The following MGAT4A variants were observed in gnomAD, a reference collection of about 807,000 sequenced individuals.
MGAT4A encodes the protein alpha-1,3-mannosyl-glycoprotein 4-beta-N-acetylglucosaminyltransferase A.
Under a neutral mutation model 74.1 loss-of-function variants are expected in MGAT4A, and 33 were observed. The ratio of observed to expected loss-of-function variants is 0.45; its 90% CI spans 0.34 to 0.60. The LOEUF is 0.60. Ranked by LOEUF, MGAT4A falls within the 20% of genes least tolerant of loss-of-function variation. The probability of loss-of-function intolerance (pLI) is 0.02; values close to 1 mark genes in which losing one functional copy is unlikely to be tolerated. For missense variants in MGAT4A, 479 were observed against 628.3 expected (o/e 0.76, Z 2.54); for synonymous variants, 198 against 210.4 (o/e 0.94, Z 0.51).
chr2:98,677,797 A>G (rs1701995916), intron 3 of MGAT4A, among the ~76,000 whole-genome samples: 1 of 144,316 alleles, frequency 6.9e-6, no homozygotes, highest in East Asian at 2.0e-4. Context: ...TTAGCAGGTA[A>G]TAAATTTTTT....
At position 98,625,560 on chromosome 2, in the gene MGAT4A, A is replaced by T. The variant is rs773023810; in HGVS notation, c.*6T>A. ...ACAGGAAAAAATGTGTTGGTTTCTCAGATGATCAGTTGGTGGCTTTTTTAA... is the reference window on the plus strand; with the variant it reads ...ACAGGAAAAAATGTGTTGGTTTCTCTGATGATCAGTTGGTGGCTTTTTTAA... On this transcript the variant is annotated 3_prime_UTR_variant, in exon 16 of 16. Coordinates refer to ENST00000393487, the MANE Select transcript of MGAT4A (RefSeq NM_012214.3). The T allele has an allele frequency of 9.9e-6, 16 of 1,608,612 alleles. No homozygotes were observed. The highest frequency in any genetic ancestry group is 1.3e-5 in the Non-Finnish European group (15 of 1,178,572).
At chr2:98,666,548 C>A (rs1701833468) in intron 4 of MGAT4A, among the ~76,000 whole-genome samples, 1 of 152,056 alleles carries the variant, frequency 6.6e-6, no homozygotes, top group African/African-American at 2.4e-5. Flanking sequence ...AAACACTTAG[C>A]TGGGCATGGT....
chr2:98,660,392 C>CCACA (rs57759198), intron 5 of MGAT4A, among the ~76,000 whole-genome samples: 1 of 138,624 alleles, frequency 7.2e-6, no homozygotes, highest in Non-Finnish European at 1.6e-5. Flanking sequence ...TCATATATAA[C>CCACA]CACACACACA....
intron 14 of MGAT4A, among the ~76,000 whole-genome samples, chr2:98,632,908 C>T (rs765351698): frequency 1.3e-5 from 2 of 152,190 alleles, no homozygotes; most frequent in Non-Finnish European, 2.9e-5. Flanking sequence ...TACAGGCATG[C>T]ACCACCACAC....
chr2:98,680,167 C>T (rs1702040661), intron 2 of MGAT4A, among the ~76,000 whole-genome samples: 1 of 151,692 alleles, frequency 6.6e-6, no homozygotes, highest in African/African-American at 2.4e-5. Flanking sequence ...CCTCAGCCTC[C>T]CAAGTAGCTG....
chr2:98,623,622 TA>T lies in MGAT4A; in HGVS notation c.*1943del, dbSNP rs201245439. On this transcript the variant is annotated 3_prime_UTR_variant, in exon 16 of 16. Transcript: ENST00000393487. ...GAAAAGTAAATTTAAAACATCCTAA[TA>T]AAAAAATTTCAACTGGCCTTTAACT... 1,384 of 985,224 alleles carry T rather than the reference TA, an allele frequency of 1.4e-3. 19 individuals are homozygous for T. In the African/African-American group the frequency reaches 0.022, roughly 16 times the overall value. The allele number at this position is 985,224 out of a possible 1,614,324, so 61.0% of individuals were successfully genotyped here.
chr2:98,719,747 A>C (rs147814112), intron 2 of MGAT4A, among the ~76,000 whole-genome samples: 4,182 of 152,228 alleles, frequency 0.027, 114 homozygotes, highest in East Asian at 0.071. Context: ...CCTGGGTTCA[A>C]GCAATTCTCC....
At chr2:98,709,847 C>T (rs992388484) in intron 2 of MGAT4A, among the ~76,000 whole-genome samples, 1 of 152,202 alleles carries the variant, frequency 6.6e-6, no homozygotes, top group African/African-American at 2.4e-5. Flanking sequence ...CAAACTCTTT[C>T]CCTAGCCCAC....
intron 6 of MGAT4A, 30 bp downstream of exon 6, chr2:98,658,188 T>A: frequency 6.9e-7 from 1 of 1,440,124 alleles, no homozygotes. Context: ...AACCAAAATA[T>A]TTGTATGTTT....
chr2:98,654,653 CA>C (rs957411460), intron 8 of MGAT4A, among the ~76,000 whole-genome samples: 35 of 152,088 alleles, frequency 2.3e-4, no homozygotes, highest in African/African-American at 7.0e-4. Context: ...AAAGAAGATA[CA>C]AATAAATGGA....
chr2:98,619,423 C>T lies in MGAT4A; in HGVS notation c.*6143G>A, dbSNP rs1701012175. ...CAACCTGGCAAGGAGATTCCTCAGG[C>T]AGCTTCTCTAAGGGATGCTTCCAGA... On this transcript the variant is annotated 3_prime_UTR_variant, in exon 16 of 16. Transcript: ENST00000393487. 1 of 152,098 alleles carries T rather than the reference C, an allele frequency of 6.6e-6. No homozygotes were observed. The highest frequency in any genetic ancestry group is 6.6e-5 in the Admixed American group (1 of 15,258). The allele number at this position is 152,098 out of a possible 1,614,324, so 9.4% of individuals were successfully genotyped here.
At chr2:98,654,251 C>A (rs888638416) in intron 8 of MGAT4A, among the ~76,000 whole-genome samples, 2 of 152,064 alleles carry the variant, frequency 1.3e-5, no homozygotes, top group African/African-American at 2.4e-5. Context: ...AGATTAGAAG[C>A]AGGGCAAGGA....
intron 2 of MGAT4A, among the ~76,000 whole-genome samples, chr2:98,698,727 C>A (rs1339212157): frequency 3.9e-5 from 6 of 152,138 alleles, no homozygotes; most frequent in Admixed American, 1.3e-4. Flanking sequence ...GTGCTCCAAG[C>A]CCACTTACTA....
chr2:98,639,245 C>T (rs1206057613), intron 12 of MGAT4A, among the ~76,000 whole-genome samples: 1 of 151,068 alleles, frequency 6.6e-6, no homozygotes, highest in African/African-American at 2.4e-5. Context: ...TACATTGCAC[C>T]ATTGCACTCC....
chr2:98,624,170 G>A lies in MGAT4A; in HGVS notation c.*1396C>T, dbSNP rs748744781. 1.9e-4 allele frequency: 97 copies of A among 501,244 alleles called. No individual in the cohort carries two copies. The highest frequency in any genetic ancestry group is 2.2e-4 in the Non-Finnish European group (85 of 388,080). The allele number at this position is 501,244 out of a possible 1,614,324, so 31.0% of individuals were successfully genotyped here. A position where few individuals can be genotyped will look rare whatever the true frequency, so the allele number is the denominator to read the frequency against. The stretch of plus-strand genomic sequence containing the variant: ...TGGGATTACAGGCACCTGCCACCAC[G>A]CCTGGCTAATTTTTTGTATTTTTAG... On this transcript the variant is annotated 3_prime_UTR_variant, in exon 16 of 16. Transcript: ENST00000393487.
intron 8 of MGAT4A, among the ~76,000 whole-genome samples, chr2:98,646,722 A>G (rs918289146): frequency 6.6e-6 from 1 of 152,228 alleles, no homozygotes; most frequent in Non-Finnish European, 1.5e-5. Flanking sequence ...GAAAGCATCA[A>G]TAAGAATAAT....
intron 2 of MGAT4A, among the ~76,000 whole-genome samples, chr2:98,693,032 CAAA>C (rs902242581): frequency 6.6e-6 from 1 of 152,084 alleles, no homozygotes; most frequent in Admixed American, 6.6e-5. Context: ...AAACTAGAGA[CAAA>C]GAAGAAATCT....
At position 98,619,391 on chromosome 2, in the gene MGAT4A, T is replaced by A. The variant is rs1329282283; in HGVS notation, c.*6175A>T. ...ACAATACATTTAAGAAAAAAAAAAATCTGGTACAACCTGGCAAGGAGATTC... is the reference window on the plus strand; with the variant it reads ...ACAATACATTTAAGAAAAAAAAAAAACTGGTACAACCTGGCAAGGAGATTC... On this transcript the variant is annotated 3_prime_UTR_variant, in exon 16 of 16. Coordinates refer to ENST00000393487, the MANE Select transcript of MGAT4A (RefSeq NM_012214.3). 6.6e-6 allele frequency: 1 copy of A among 151,666 alleles called. No individual in the cohort carries two copies. The highest frequency in any genetic ancestry group is 1.9e-4 in the East Asian group (1 of 5,186). The allele number at this position is 151,666 out of a possible 1,614,324, so 9.4% of individuals were successfully genotyped here.
chr2:98,695,662 GT>G (rs1340203652), intron 2 of MGAT4A, among the ~76,000 whole-genome samples: 2 of 152,116 alleles, frequency 1.3e-5, no homozygotes, highest in African/African-American at 4.8e-5. Context: ...CCTGATTTGT[GT>G]TTGTCTTGGC....
Sources: gnomAD v4.1 joint callset for allele counts (sites outside exome capture counted in the v4.1 genomes callset) on GRCh38, gnomAD v4.1.1 for gene constraint, MANE v1.5 for transcripts, NCBI Gene and HGNC (gene_info 2026-07-23, HGNC 2026-07-21) for gene names.